Variants in ST6GALNAC5 observed in about 807,000 individuals in gnomAD.
The protein encoded by ST6GALNAC5 is alpha-N-acetylgalactosaminide alpha-2,6-sialyltransferase 5.
In ST6GALNAC5, 27 loss-of-function variants were observed where a neutral mutation model predicts 33.6. That is an observed-to-expected ratio of 0.80 (90% confidence interval 0.59 to 1.11). The LOEUF (loss-of-function observed/expected upper bound fraction) is 1.11. Among genes scored for constraint, ST6GALNAC5 ranks in the 50% least tolerant of loss-of-function variants. The pLI is 0.00. For synonymous variants in ST6GALNAC5, 194 were observed against 171.2 expected (o/e 1.13, Z -1.04); for missense variants, 428 against 454.0 (o/e 0.94, Z 0.52).
At chr1:77,012,498 C>T (rs12354269) in intron 2 of ST6GALNAC5, among the ~76,000 whole-genome samples, 7 of 152,048 alleles carry the variant, frequency 4.6e-5, no homozygotes, top group South Asian at 2.1e-4. Flanking sequence ...GTAGGGGACA[C>T]GAAATGCAAG....
intron 2 of ST6GALNAC5, among the ~76,000 whole-genome samples, chr1:77,037,208 A>G (rs1214624058): frequency 6.6e-6 from 1 of 152,222 alleles, no homozygotes; most frequent in African/African-American, 2.4e-5. Flanking sequence ...TTCATGGAAT[A>G]GTATACAGCC....
At chr1:76,891,778 G>C (rs554995153) in intron 2 of ST6GALNAC5, among the ~76,000 whole-genome samples, 1 of 152,166 alleles carries the variant, frequency 6.6e-6, no homozygotes. Context: ...GAGAGGTCCA[G>C]CTTCATCTCT....
At chr1:77,040,307 C>T (rs150156724) in intron 2 of ST6GALNAC5, among the ~76,000 whole-genome samples, 1 of 152,336 alleles carries the variant, frequency 6.6e-6, no homozygotes, top group African/African-American at 2.4e-5. Flanking sequence ...ACCAAAAGCA[C>T]CTAAGGCATA....
intron 2 of ST6GALNAC5, among the ~76,000 whole-genome samples, chr1:77,004,022 A>T (rs1650283743): frequency 8.8e-6 from 1 of 113,436 alleles, no homozygotes. Context: ...GTATTTCCTG[A>T]ATCTGAACGT....
intron 2 of ST6GALNAC5, among the ~76,000 whole-genome samples, chr1:77,043,052 A>G (rs111255596): frequency 0.014 from 2,095 of 152,240 alleles, 46 homozygotes; most frequent in African/African-American, 0.048. Flanking sequence ...TAAACACAAA[A>G]CTGAATATAT....
chr1:76,982,377 C>T (rs1171195135), intron 2 of ST6GALNAC5, among the ~76,000 whole-genome samples: 1 of 152,128 alleles, frequency 6.6e-6, no homozygotes, highest in East Asian at 1.9e-4. Context: ...GCACAAGCTT[C>T]AATAGCTGAA....
intron 2 of ST6GALNAC5, among the ~76,000 whole-genome samples, chr1:77,012,472 A>G (rs1650668568): frequency 6.6e-6 from 1 of 152,178 alleles, no homozygotes; most frequent in Non-Finnish European, 1.5e-5. Context: ...TGAACGCCAG[A>G]AAAAACCTAG....
chr1:76,877,729 C>T (rs1181102961), intron 2 of ST6GALNAC5, among the ~76,000 whole-genome samples: 1 of 152,176 alleles, frequency 6.6e-6, no homozygotes, highest in Non-Finnish European at 1.5e-5. Context: ...ATGTAATGGA[C>T]CAGTGTGATA....
intron 2 of ST6GALNAC5, among the ~76,000 whole-genome samples, chr1:76,954,523 C>G (rs1278743993): frequency 6.6e-6 from 1 of 151,900 alleles, no homozygotes; most frequent in Non-Finnish European, 1.5e-5. Context: ...ACATGTACCC[C>G]AAGCTTAAAA....
rs558097845 is a variant in ST6GALNAC5, at chr1:76,886,513, T to C, written c.261+17771T>C. On this transcript the variant is annotated intron_variant, in intron 2 of 4. Coordinates refer to ENST00000477717, the MANE Select transcript of ST6GALNAC5 (RefSeq NM_030965.3). ...GGGGATATATATTATATGTCTTGGT[T>C]GATGGCTTTCAAGTAAAAGGGTGAA... is the stretch of plus-strand genomic sequence containing the variant. Among the ~76,000 whole-genome samples the C allele has an allele frequency of 3.3e-5, 5 of 152,312 alleles. No individual in the cohort carries two copies. The South Asian group carries it at 1.0e-3, about 32-fold the overall frequency.
In ST6GALNAC5 at chr1:77,065,604, G is replaced by C. The variant is rs1652747497; in HGVS notation, c.*2398G>C. 6.6e-6 allele frequency: 1 copy of C among 152,230 alleles called. No individual in the cohort carries two copies. 9.4% of individuals were successfully genotyped at this position (152,230 alleles called of 1,614,324 possible). ...AATGACTAGAATTCTGATAGATTGT[G>C]CTGATGAACCTGGTTGTGGGCAATT... On this transcript the variant is annotated 3_prime_UTR_variant, in exon 5 of 5. Transcript: ENST00000477717.
chr1:76,991,024 T>C (rs1296278079), intron 2 of ST6GALNAC5, among the ~76,000 whole-genome samples: 2 of 152,064 alleles, frequency 1.3e-5, no homozygotes, highest in Admixed American at 1.3e-4. Context: ...GGGAAAAGAA[T>C]CTCACCCTCT....
rs895220506 is a variant in ST6GALNAC5, at chr1:76,900,147, G to A, written c.261+31405G>A. On this transcript the variant is annotated intron_variant, in intron 2 of 4. Coordinates refer to ENST00000477717, the MANE Select transcript of ST6GALNAC5 (RefSeq NM_030965.3). ...AGATAAAGGAAAATTACAGTCAAAG[G>A]GGGGTTGTTCTCTGGTGGGCAGAGT... Among the ~76,000 whole-genome samples, 6 of 152,154 alleles carry A rather than the reference G, an allele frequency of 3.9e-5. No individual in the cohort carries two copies. In the South Asian group the frequency reaches 1.0e-3, roughly 26 times the overall value.
rs1363264134 is a variant in ST6GALNAC5, at chr1:77,065,678, T to C, written c.*2472T>C. ...TTTCATGACTGTCGTCTGAACACTATTCAACACCATTAAATATAAACTCTG... is the reference window on the plus strand; with the variant it reads ...TTTCATGACTGTCGTCTGAACACTACTCAACACCATTAAATATAAACTCTG... On this transcript the variant is annotated 3_prime_UTR_variant, in exon 5 of 5. Transcript: ENST00000477717. The C allele has an allele frequency of 3.3e-5, 5 of 152,194 alleles. No homozygotes were observed. The highest frequency in any genetic ancestry group is 6.5e-5 in the Admixed American group (1 of 15,276). 9.4% of individuals were successfully genotyped at this position (152,194 alleles called of 1,614,324 possible). A position where few individuals can be genotyped will look rare whatever the true frequency, so the allele number is the denominator to read the frequency against.
At chr1:76,907,312 G>A (rs1335049299) in intron 2 of ST6GALNAC5, among the ~76,000 whole-genome samples, 2 of 152,030 alleles carry the variant, frequency 1.3e-5, no homozygotes, top group Non-Finnish European at 2.9e-5. Flanking sequence ...TACTCTCGCT[G>A]ATGTGAAGCC....
intron 2 of ST6GALNAC5, among the ~76,000 whole-genome samples, chr1:76,888,252 T>TA (rs1653939841): frequency 6.6e-6 from 1 of 152,056 alleles, no homozygotes; most frequent in Non-Finnish European, 1.5e-5. Context: ...AGAAGCTTCT[T>TA]AAAATGCAGA....
intron 2 of ST6GALNAC5, among the ~76,000 whole-genome samples, chr1:76,982,856 T>C (rs1480399943): frequency 6.6e-6 from 1 of 151,108 alleles, no homozygotes. Flanking sequence ...GGGGCCAATA[T>C]TCAACATTCT....
At chr1:76,880,900 AC>A (rs1557707979) in intron 2 of ST6GALNAC5, among the ~76,000 whole-genome samples, 1 of 152,206 alleles carries the variant, frequency 6.6e-6, no homozygotes, top group Non-Finnish European at 1.5e-5. Context: ...GAAACATGAT[AC>A]CTATTATAAA....
chr1:77,050,186 A>G (rs1652172318), intron 3 of ST6GALNAC5, 72 bp from the exon 4 acceptor site: 2 of 1,294,990 alleles, frequency 1.5e-6, no homozygotes, highest in Non-Finnish European at 2.2e-6. Flanking sequence ...TTACTCTAGG[A>G]AAGAATTAAA....
Sources: allele counts gnomAD v4.1 joint callset (sites outside exome capture counted in the v4.1 genomes callset), GRCh38; gene constraint gnomAD v4.1.1; transcripts MANE v1.5; gene names NCBI Gene and HGNC (gene_info 2026-07-23, HGNC 2026-07-21).